WWOX: variants seen among roughly 807,000 people sequenced by gnomAD.
WWOX encodes WW domain containing oxidoreductase.
WWOX carries 69 observed loss-of-function variants against 46.2 expected under a neutral mutation model. The ratio of observed to expected loss-of-function variants is 1.49; its 90% CI spans 1.23 to 1.82. The LOEUF is 1.82. Ranked by LOEUF, WWOX falls within the 40% of genes most tolerant of loss-of-function variation. The probability of loss-of-function intolerance (pLI) is 0.00; values close to 1 mark genes in which losing one functional copy is unlikely to be tolerated. For missense variants in WWOX, 919 were observed against 542.6 expected, an observed-to-expected ratio of 1.69 and a Z score of -6.89; for synonymous variants, 359 against 202.6, an observed-to-expected ratio of 1.77 and a Z score of -6.56.
At chr16:78,404,057 G>A (rs2082471986) in intron 6 of WWOX, among the ~76,000 whole-genome samples, 1 of 152,146 alleles carries the variant, frequency 6.6e-6, no homozygotes, top group African/African-American at 2.4e-5. Context: ...GCGAGGCGAG[G>A]CTAAAAAGTA....
chr16:78,370,448 A>T (rs1051429749), intron 5 of WWOX, among the ~76,000 whole-genome samples: 10 of 152,178 alleles, frequency 6.6e-5, no homozygotes, highest in African/African-American at 2.2e-4. Flanking sequence ...GGGAAAGGGA[A>T]AAAGGAGAGA....
intron 8 of WWOX, among the ~76,000 whole-genome samples, chr16:78,547,245 G>T (rs1454079846): frequency 6.6e-6 from 1 of 150,514 alleles, no homozygotes; most frequent in Middle Eastern, 3.2e-3. Context: ...TTACATTGGA[G>T]ACACTATAAC....
chr16:78,126,237 G>T (rs138443268), intron 4 of WWOX, among the ~76,000 whole-genome samples: 17 of 152,210 alleles, frequency 1.1e-4, no homozygotes, highest in African/African-American at 4.1e-4. Flanking sequence ...GTACCCATCC[G>T]TGACTCTTCT....
intron 5 of WWOX, among the ~76,000 whole-genome samples, chr16:78,285,605 T>G (rs933197282): frequency 2.6e-5 from 4 of 152,292 alleles, no homozygotes; most frequent in East Asian, 1.9e-4. Flanking sequence ...GGGAAGATTT[T>G]GCAATTATGC....
chr16:78,409,180 GAA>G (rs2082616642), intron 6 of WWOX, among the ~76,000 whole-genome samples: 1 of 152,144 alleles, frequency 6.6e-6, no homozygotes. Context: ...TAGAAATACA[GAA>G]AGTCCTATTG....
chr16:78,824,405 A>C (rs2051590888), intron 8 of WWOX, among the ~76,000 whole-genome samples: 2 of 152,160 alleles, frequency 1.3e-5, no homozygotes, highest in South Asian at 4.1e-4. Context: ...TCATTCATTC[A>C]TTCCTCTAAT....
intron 8 of WWOX, among the ~76,000 whole-genome samples, chr16:78,979,973 A>T (rs1316472612): frequency 6.6e-6 from 1 of 152,088 alleles, no homozygotes; most frequent in African/African-American, 2.4e-5. Context: ...CTAAAAATAC[A>T]AAAAATTAGC....
chr16:79,143,290 A>G (rs1404706888), intron 8 of WWOX, among the ~76,000 whole-genome samples: 2 of 152,222 alleles, frequency 1.3e-5, no homozygotes, highest in Non-Finnish European at 2.9e-5. Flanking sequence ...ATCTGTCAGT[A>G]TATATTACAA....
intron 8 of WWOX, among the ~76,000 whole-genome samples, chr16:78,667,586 G>C (rs1276373700): frequency 1.3e-5 from 2 of 149,768 alleles, no homozygotes; most frequent in African/African-American, 4.9e-5. Flanking sequence ...CAGGAGAATG[G>C]CATGAACCTG....
Position 78,814,734 on chromosome 16 carries a change from A to T in WWOX, c.1056+381982A>T, listed in dbSNP as rs148922468. Among the ~76,000 whole-genome samples, 159 of 152,324 alleles carry T rather than the reference A, an allele frequency of 1.0e-3. 1 individual carries two copies. In the East Asian group the frequency reaches 0.019, roughly 18 times the overall value. Reference sequence around the variant, plus strand: ...GGGGAAAAAGTTCTGCCTTCATGTAACAACTAATGTGACATGGCAGTGTAT... The same window carrying T: ...GGGGAAAAAGTTCTGCCTTCATGTATCAACTAATGTGACATGGCAGTGTAT... On this transcript the variant is annotated intron_variant, in intron 8 of 8. Coordinates refer to ENST00000566780, the MANE Select transcript of WWOX (RefSeq NM_016373.4).
intron 8 of WWOX, among the ~76,000 whole-genome samples, chr16:78,828,649 A>C (rs2051728059): frequency 6.6e-6 from 1 of 152,204 alleles, no homozygotes; most frequent in Non-Finnish European, 1.5e-5. Context: ...ATTATTTACA[A>C]AACTTCACAC....
intron 8 of WWOX, among the ~76,000 whole-genome samples, chr16:78,633,121 G>T (rs539255354): frequency 6.6e-6 from 1 of 152,100 alleles, no homozygotes; most frequent in Non-Finnish European, 1.5e-5. Context: ...AATTAGCCGG[G>T]TGTGGTGGCG....
chr16:78,996,603 T>C (rs760644203), intron 8 of WWOX, among the ~76,000 whole-genome samples: 30 of 151,966 alleles, frequency 2.0e-4, no homozygotes, highest in Non-Finnish European at 3.7e-4. Context: ...TTTACAACAG[T>C]ATTTAGATGA....
intron 8 of WWOX, among the ~76,000 whole-genome samples, chr16:78,693,206 C>A (rs775149673): frequency 6.6e-6 from 1 of 152,172 alleles, no homozygotes; most frequent in African/African-American, 2.4e-5. Flanking sequence ...GACTGCCTTT[C>A]TGTATTTCTG....
chr16:79,130,497 G>A (rs2049854568), intron 8 of WWOX, among the ~76,000 whole-genome samples: 1 of 152,146 alleles, frequency 6.6e-6, no homozygotes, highest in African/African-American at 2.4e-5. Context: ...TGTCCTTTGA[G>A]CTGAGTCTTG....
At chr16:78,700,888 A>G (rs1490810630) in intron 8 of WWOX, among the ~76,000 whole-genome samples, 3 of 152,212 alleles carry the variant, frequency 2.0e-5, no homozygotes. Flanking sequence ...AAACCAACCC[A>G]AAGGGCTATG....
chr16:78,924,311 G>C (rs545628232), intron 8 of WWOX, among the ~76,000 whole-genome samples: 118 of 152,276 alleles, frequency 7.7e-4, no homozygotes, highest in African/African-American at 2.7e-3. Flanking sequence ...GCTTTTTTAG[G>C]GGGTGGGGTT....
chr16:78,399,131 G>C (rs2082355758), intron 6 of WWOX, among the ~76,000 whole-genome samples: 1 of 152,092 alleles, frequency 6.6e-6, no homozygotes, highest in African/African-American at 2.4e-5. Flanking sequence ...ACAAGGAAGG[G>C]GATGGGTGGC....
intron 8 of WWOX, among the ~76,000 whole-genome samples, chr16:78,500,468 A>G (rs2085034011): frequency 6.8e-6 from 1 of 146,592 alleles, no homozygotes; most frequent in Admixed American, 6.8e-5. Flanking sequence ...GTTTTTTTTT[A>G]GATCGCTGCA....
Sources: allele counts gnomAD v4.1 joint callset (sites outside exome capture counted in the v4.1 genomes callset), GRCh38; gene constraint gnomAD v4.1.1; transcripts MANE v1.5; gene names NCBI Gene and HGNC (gene_info 2026-07-23, HGNC 2026-07-21).